The following CEP63 variants were observed in gnomAD, a reference collection of about 807,000 sequenced individuals.
CEP63 encodes the protein centrosomal protein of 63 kDa.
In CEP63, 84 loss-of-function variants were observed where a neutral mutation model predicts 89.1. That is an observed-to-expected ratio of 0.94 (90% confidence interval 0.79 to 1.13). The LOEUF is 1.13. Ranked by LOEUF, CEP63 falls within the 50% of genes most tolerant of loss-of-function variation. The pLI is 0.00. For synonymous variants in CEP63, 267 were observed against 272.5 expected (o/e 0.98, Z 0.20); for missense variants, 838 against 813.3 (o/e 1.03, Z -0.37).
the CEP63 span, among the ~76,000 whole-genome samples, chr3:134,669,413 C>T: frequency 3.9e-5 from 6 of 152,118 alleles, no homozygotes; most frequent in Admixed American, 6.5e-5. Context: ...CCACTCCCTC[C>T]GCCCTGATAC....
intron 3 of CEP63, among the ~76,000 whole-genome samples, chr3:134,528,559 T>TGTGTGTGC (rs1553763878): frequency 5.0e-4 from 58 of 114,938 alleles, no homozygotes; most frequent in African/African-American, 8.1e-4. Context: ...GAGGGGTGTG[T>TGTGTGTGC]GTGTGTGTGC....
the CEP63 span, chr3:134,650,987 GCCGCGGCCGCACGCTAGGCT>G: frequency 3.7e-6 from 6 of 1,612,460 alleles, no homozygotes; most frequent in Non-Finnish European, 5.1e-6. Context: ...CGACCTGGGC[GCCGCGGCCGCACGCTAGGCT>G]GCTTGCGCTG....
the CEP63 span, among the ~76,000 whole-genome samples, chr3:134,655,438 C>T: frequency 1.3e-5 from 2 of 152,194 alleles, no homozygotes; most frequent in South Asian, 4.1e-4. Context: ...CCTTCCCACC[C>T]TGATGGCACT....
chr3:134,538,236 A>C (rs551556293), intron 6 of CEP63, among the ~76,000 whole-genome samples: 265 of 147,966 alleles, frequency 1.8e-3, no homozygotes, highest in Non-Finnish European at 3.3e-3. Context: ...TGGGTTTTTA[A>C]AAATAATCTG....
chr3:134,555,333 G>A (rs1955905903), intron 12 of CEP63, among the ~76,000 whole-genome samples: 2 of 152,126 alleles, frequency 1.3e-5, no homozygotes, highest in Admixed American at 1.3e-4. Context: ...AAGTCAAATT[G>A]TTCCTCTTTG....
chr3:134,711,717 T>A, the CEP63 span, among the ~76,000 whole-genome samples: 1 of 152,146 alleles, frequency 6.6e-6, no homozygotes, highest in Non-Finnish European at 1.5e-5. Context: ...TAGAAGCTTC[T>A]GTTTAGAGAG....
At chr3:134,728,407 G>A in the CEP63 span, among the ~76,000 whole-genome samples, 7 of 152,156 alleles carry the variant, frequency 4.6e-5, no homozygotes, top group Admixed American at 1.3e-4. Context: ...TGTGATTTAC[G>A]TATAGGAATG....
the CEP63 span, among the ~76,000 whole-genome samples, chr3:134,735,252 C>T: frequency 6.6e-6 from 1 of 152,216 alleles, no homozygotes; most frequent in Non-Finnish European, 1.5e-5. Context: ...CTGGAGCAGC[C>T]TCACACACAG....
At chr3:134,617,951 G>A in the CEP63 span, among the ~76,000 whole-genome samples, 1 of 152,166 alleles carries the variant, frequency 6.6e-6, no homozygotes, top group Non-Finnish European at 1.5e-5. Flanking sequence ...AGGCCAGTGA[G>A]GATCCAGGTT....
At chr3:134,501,301 CT>C (rs1225952716) in intron 2 of CEP63, among the ~76,000 whole-genome samples, 5 of 152,038 alleles carry the variant, frequency 3.3e-5, no homozygotes, top group African/African-American at 1.2e-4. Context: ...CATAGGGTTG[CT>C]TTGGCTATTT....
intron 2 of CEP63, among the ~76,000 whole-genome samples, chr3:134,495,614 ATTACT>A (rs1939566758): frequency 6.6e-6 from 1 of 152,184 alleles, no homozygotes; most frequent in Non-Finnish European, 1.5e-5. Flanking sequence ...GACTGTGCTA[ATTACT>A]TAACTAGTTA....
chr3:134,597,357 T>C, the CEP63 span, among the ~76,000 whole-genome samples: 1 of 152,220 alleles, frequency 6.6e-6, no homozygotes, highest in African/African-American at 2.4e-5. Flanking sequence ...CAAACCATCT[T>C]GTGAAGACTT....
At chr3:134,658,201 A>G in the CEP63 span, among the ~76,000 whole-genome samples, 1 of 152,210 alleles carries the variant, frequency 6.6e-6, no homozygotes, top group Non-Finnish European at 1.5e-5. Flanking sequence ...CGGCTGATAC[A>G]TGGTAACCCT....
the CEP63 span, among the ~76,000 whole-genome samples, chr3:134,730,045 A>G: frequency 2.0e-5 from 3 of 152,240 alleles, no homozygotes; most frequent in African/African-American, 7.2e-5. Context: ...AAGAGAGGTC[A>G]GGGACTTGCA....
the CEP63 span, among the ~76,000 whole-genome samples, chr3:134,768,018 T>C: frequency 6.6e-6 from 1 of 152,024 alleles, no homozygotes; most frequent in Admixed American, 6.6e-5. Flanking sequence ...GGACGTAGAG[T>C]GTCAGAGTGT....
chr3:134,517,675 A>C (rs566510377), intron 3 of CEP63, among the ~76,000 whole-genome samples: 1 of 152,330 alleles, frequency 6.6e-6, no homozygotes, highest in African/African-American at 2.4e-5. Context: ...ATCTGCATAC[A>C]TTTGGAAATT....
At chr3:134,544,525 AC>A (rs1303720574) in intron 6 of CEP63, among the ~76,000 whole-genome samples, 1 of 152,056 alleles carries the variant, frequency 6.6e-6, no homozygotes, top group Non-Finnish European at 1.5e-5. Context: ...TAAACAAAAG[AC>A]CACAATTTCC....
intron 8 of CEP63, 74 bp from the exon 9 acceptor site, chr3:134,547,261 A>G: frequency 7.1e-7 from 1 of 1,413,552 alleles, no homozygotes; most frequent in Non-Finnish European, 1.0e-6. Context: ...ATGATGGGGA[A>G]ACACAGACTA....
intron 10 of CEP63, among the ~76,000 whole-genome samples, chr3:134,581,221 G>T (rs1479542563): frequency 6.6e-6 from 1 of 152,172 alleles, no homozygotes; most frequent in East Asian, 1.9e-4. Context: ...TTTGTGTTAA[G>T]TCACTAGCTC....
Sources: gnomAD v4.1 joint callset for allele counts (sites outside exome capture counted in the v4.1 genomes callset) on GRCh38, gnomAD v4.1.1 for gene constraint, MANE v1.5 for transcripts, NCBI Gene and HGNC (gene_info 2026-07-23, HGNC 2026-07-21) for gene names.